Variants in SH3PXD2B observed in about 807,000 individuals in gnomAD.
The protein encoded by SH3PXD2B is SH3 and PX domains 2B, also known as SH3 and PX domain-containing protein 2B.
A neutral mutation model predicts 73.1 loss-of-function variants in SH3PXD2B; 37 were observed. The observed-to-expected ratio is 0.51, with a 90% confidence interval of 0.39 to 0.67. The LOEUF (loss-of-function observed/expected upper bound fraction) is 0.67, where lower values mean the gene tolerates loss of function less well. Among genes scored for constraint, SH3PXD2B ranks in the 30% least tolerant of loss-of-function variants. The pLI is 0.00. For missense variants in SH3PXD2B, 1,053 were observed against 1,197.8 expected, an observed-to-expected ratio of 0.88 and a Z score of 1.78; for synonymous variants, 457 against 480.5, an observed-to-expected ratio of 0.95 and a Z score of 0.64.
intron 2 of SH3PXD2B, among the ~76,000 whole-genome samples, chr5:172,411,134 T>C (rs1758681248): frequency 6.6e-6 from 1 of 152,224 alleles, no homozygotes; most frequent in African/African-American, 2.4e-5. Flanking sequence ...TTTATAGGTT[T>C]TTGCCTAACA....
At position 172,421,884 on chromosome 5, in the gene SH3PXD2B, T is replaced by C. The variant is rs1758970110; in HGVS notation, c.156+532A>G. 6.6e-6 allele frequency among the ~76,000 whole-genome samples: 1 copy of C among 152,248 alleles called. No individual in the cohort carries two copies. Among genetic ancestry groups the C allele is most frequent in the Admixed American group, 6.5e-5 (1 of 15,284 alleles). On this transcript the variant is annotated intron_variant, in intron 2 of 12. Transcript: ENST00000311601. This position sits in a 1 kb window ranked among gnomAD's most constrained non-coding sequence, Gnocchi z 4.0. Reference sequence around the variant, plus strand: ...AAGCCATTTGGAAATGATTTCCAGATTACCCTCCATTCTGGAGCAGTTAAC... The same window carrying C: ...AAGCCATTTGGAAATGATTTCCAGACTACCCTCCATTCTGGAGCAGTTAAC...
intron 8 of SH3PXD2B, among the ~76,000 whole-genome samples, chr5:172,357,429 A>T (rs1442491861): frequency 1.3e-5 from 2 of 152,064 alleles, no homozygotes; most frequent in Non-Finnish European, 2.9e-5. Context: ...GTCTCAAAAA[A>T]AAAAAAGAAA....
In SH3PXD2B at chr5:172,333,994, CTTCT is replaced by C; in HGVS notation, c.*4371_*4374del. 1 of 1,194,286 alleles carries C rather than the reference CTTCT, an allele frequency of 8.4e-7. No individual in the cohort carries two copies. Among genetic ancestry groups the C allele is most frequent in the Non-Finnish European group, 1.1e-6 (1 of 949,642 alleles). 74.0% of individuals were successfully genotyped at this position (1,194,286 alleles called of 1,614,324 possible). A position where few individuals can be genotyped will look rare whatever the true frequency, so the allele number is the denominator to read the frequency against. On this transcript the variant is annotated 3_prime_UTR_variant, in exon 13 of 13. Transcript: ENST00000311601. Reference sequence around the variant, plus strand: ...GCTGATGTAAGCCTGGTGGGGGCACCTTCTTTTTTACATGAATAGGACATCTAAA... The same window carrying C: ...GCTGATGTAAGCCTGGTGGGGGCACCTTTTTACATGAATAGGACATCTAAA...
intron 2 of SH3PXD2B, among the ~76,000 whole-genome samples, chr5:172,415,190 C>T (rs1758792600): frequency 6.6e-6 from 1 of 152,190 alleles, no homozygotes; most frequent in African/African-American, 2.4e-5. Flanking sequence ...GCCCTGGCTC[C>T]AGTGATGACC....
At chr5:172,347,436 G>T in intron 10 of SH3PXD2B, 104 bp from the exon 11 acceptor site, 1 of 1,166,370 alleles carries the variant, frequency 8.6e-7, no homozygotes, top group Non-Finnish European at 1.3e-6. Flanking sequence ...GAACACAGGC[G>T]TCTGCATGCT....
intron 6 of SH3PXD2B, among the ~76,000 whole-genome samples, chr5:172,367,969 A>G (rs1307135665): frequency 1.3e-5 from 2 of 152,224 alleles, no homozygotes. Flanking sequence ...AACTAAGAAG[A>G]AAAAAGTTCA....
intron 1 of SH3PXD2B, among the ~76,000 whole-genome samples, chr5:172,452,228 T>C (rs977183490): frequency 5.9e-5 from 9 of 152,124 alleles, no homozygotes; most frequent in African/African-American, 2.2e-4. Context: ...GGCCAAGATC[T>C]GAATCCCAAT....
At chr5:172,371,250 T>G (rs1339719753) in intron 6 of SH3PXD2B, among the ~76,000 whole-genome samples, 5 of 152,230 alleles carry the variant, frequency 3.3e-5, no homozygotes, top group Non-Finnish European at 7.3e-5. Context: ...CAAAGAATGC[T>G]TTTAAGTAAA....
In SH3PXD2B at chr5:172,453,951, G is replaced by C. The variant is rs548647484; in HGVS notation, c.75+327C>G. 1.5e-3 allele frequency among the ~76,000 whole-genome samples: 221 copies of C among 152,286 alleles called. 1 individual carries two copies. Among genetic ancestry groups the C allele is most frequent in the African/African-American group, 5.1e-3 (210 of 41,554 alleles). On this transcript the variant is annotated intron_variant, in intron 1 of 12. Transcript: ENST00000311601. ...TCTGTCTCAGACCCCTCACCGGCTG[G>C]AGCCAGACTTTTCCACAGATGAGCA...
chr5:172,382,270 C>T (rs942638164), intron 4 of SH3PXD2B, 143 bp from the exon 5 acceptor site: 12 of 619,198 alleles, frequency 1.9e-5, no homozygotes, highest in Admixed American at 5.7e-5. Context: ...GAGCTGAGAT[C>T]GCGCCACTGC....
chr5:172,401,596 A>G (rs1295744924), intron 3 of SH3PXD2B, among the ~76,000 whole-genome samples: 1 of 152,212 alleles, frequency 6.6e-6, no homozygotes, highest in African/African-American at 2.4e-5. Flanking sequence ...ATAAAAAGAA[A>G]GGGAGAGATG....
intron 12 of SH3PXD2B, among the ~76,000 whole-genome samples, chr5:172,343,966 G>GAA (rs760791917): frequency 7.1e-5 from 10 of 140,724 alleles, no homozygotes; most frequent in African/African-American, 2.3e-4. Context: ...CATGCTGATA[G>GAA]AAAAAAAAAA....
intron 1 of SH3PXD2B, among the ~76,000 whole-genome samples, chr5:172,449,760 G>T (rs1038042245): frequency 6.6e-6 from 1 of 152,198 alleles, no homozygotes; most frequent in African/African-American, 2.4e-5. Flanking sequence ...CCCTGAGGAT[G>T]TAAGTGCAAA....
chr5:172,449,975 T>C (rs1475491477), intron 1 of SH3PXD2B, among the ~76,000 whole-genome samples: 1 of 152,208 alleles, frequency 6.6e-6, no homozygotes, highest in East Asian at 1.9e-4. Flanking sequence ...ATTTATAGTT[T>C]TAAAACATTC....
Position 172,353,136 on chromosome 5 carries a change from A to G in SH3PXD2B, c.785+752T>C, listed in dbSNP as rs892807459. 6.6e-6 allele frequency among the ~76,000 whole-genome samples: 1 copy of G among 152,078 alleles called. No homozygotes were observed. Among genetic ancestry groups the G allele is most frequent in the African/African-American group, 2.4e-5 (1 of 41,392 alleles). ...CAGAACAGGGCTGGGCCCAACAGAG[A>G]TTCTTGGTGTGCGTTTGTTGAATGA... On this transcript the variant is annotated intron_variant, in intron 9 of 12. Transcript: ENST00000311601. The surrounding 1 kb of genome is among the most constrained non-coding windows in gnomAD (Gnocchi z 4.3).
chr5:172,391,823 A>C (rs1386199213), intron 4 of SH3PXD2B, among the ~76,000 whole-genome samples: 1 of 152,188 alleles, frequency 6.6e-6, no homozygotes, highest in Non-Finnish European at 1.5e-5. Context: ...AATTAAATTA[A>C]ATTCAATTTT....
rs34377327 is a variant in SH3PXD2B at position 172,408,534 on chromosome 5, C to CTTTTTTTT, written c.157-2190_157-2183dup. On this transcript the variant is annotated intron_variant, in intron 2 of 12. Transcript: ENST00000311601. Reference sequence around the variant, plus strand: ...TTCTTTTGTGTGCTTTGGGTTATCACTTTTTTTTTTTTTTTTTTTTTGAGA... The same window carrying CTTTTTTTT: ...TTCTTTTGTGTGCTTTGGGTTATCACTTTTTTTTTTTTTTTTTTTTTTTTTTTTTGAGA... 7.4e-3 allele frequency among the ~76,000 whole-genome samples: 687 copies of CTTTTTTTT among 92,594 alleles called. 51 individuals are homozygous for CTTTTTTTT. Among genetic ancestry groups the CTTTTTTTT allele is most frequent in the African/African-American group, 0.025 (505 of 19,998 alleles). 60.7% of individuals were successfully genotyped at this position (92,594 alleles called of 152,430 possible).
At chr5:172,348,698 TC>T (rs1385423415) in intron 10 of SH3PXD2B, among the ~76,000 whole-genome samples, 3 of 42,242 alleles carry the variant, frequency 7.1e-5, no homozygotes, top group African/African-American at 6.9e-5. Flanking sequence ...TATCTATCTA[TC>T]TATCTATCTA....
chr5:172,412,662 A>G (rs1758727897), intron 2 of SH3PXD2B, among the ~76,000 whole-genome samples: 1 of 152,170 alleles, frequency 6.6e-6, no homozygotes, highest in Non-Finnish European at 1.5e-5. Flanking sequence ...AATTGCATCT[A>G]TGCAGAGAAC....
Sources: gnomAD v4.1 joint callset for allele counts (sites outside exome capture counted in the v4.1 genomes callset) on GRCh38, gnomAD v4.1.1 for gene constraint, Gnocchi (gnomAD v3.1) non-coding constraint, MANE v1.5 for transcripts, NCBI Gene and HGNC (gene_info 2026-07-23, HGNC 2026-07-21) for gene names.